ANKRD33B: variants seen among roughly 807,000 people sequenced by gnomAD.
The protein encoded by ANKRD33B is ankyrin repeat domain-containing protein 33B.
Under a neutral mutation model 21.5 loss-of-function variants are expected in ANKRD33B, and 6 were observed. The observed-to-expected ratio is 0.28, with a 90% CI of 0.15 to 0.55. ANKRD33B has a LOEUF of 0.55. ANKRD33B is among the 20% of genes least tolerant of loss of function. The pLI is 0.94. For synonymous variants in ANKRD33B, 347 were observed against 342.4 expected, an observed-to-expected ratio of 1.01 and a Z score of -0.15; for missense variants, 698 against 747.2, an observed-to-expected ratio of 0.93 and a Z score of 0.77.
At position 10,652,754 on chromosome 5, in the gene ANKRD33B, G is replaced by A. The variant is rs949327932; in HGVS notation, c.*2641G>A. On this transcript the variant is annotated 3_prime_UTR_variant, in exon 4 of 4. Transcript: ENST00000296657. This position sits in a 1 kb window ranked among gnomAD's most constrained non-coding sequence, Gnocchi z 4.1. ...GTGGACGTGTTGCGGCCCTGCCCCCGATGTGTTCCAGCCTCATCCAGGTGC... is the reference window on the plus strand; with the variant it reads ...GTGGACGTGTTGCGGCCCTGCCCCCAATGTGTTCCAGCCTCATCCAGGTGC... 13 of 215,636 alleles carry A rather than the reference G, an allele frequency of 6.0e-5. No homozygotes were observed. The highest frequency in any genetic ancestry group is 1.4e-4 in the Admixed American group (3 of 21,600). The allele number at this position is 215,636 out of a possible 1,614,324, so 13.4% of individuals were successfully genotyped here. A position where few individuals can be genotyped will look rare whatever the true frequency, so the allele number is the denominator to read the frequency against.
At chr5:10,582,680 C>T (rs1011666847) in intron 1 of ANKRD33B, among the ~76,000 whole-genome samples, 5 of 152,236 alleles carry the variant, frequency 3.3e-5, no homozygotes, top group Non-Finnish European at 4.4e-5. Context: ...CTCCCTGTTC[C>T]GCCATGGTGG....
At chr5:10,582,542 T>G (rs1735465555) in intron 1 of ANKRD33B, among the ~76,000 whole-genome samples, 1 of 152,238 alleles carries the variant, frequency 6.6e-6, no homozygotes, top group Admixed American at 6.5e-5. Flanking sequence ...TTTATTTTCT[T>G]TTTAACAACA....
chr5:10,634,121 A>G (rs1451843292), intron 2 of ANKRD33B, among the ~76,000 whole-genome samples: 4 of 152,180 alleles, frequency 2.6e-5, no homozygotes, highest in African/African-American at 7.2e-5. Flanking sequence ...GGAGGTTGAT[A>G]TTATCCCTCA....
chr5:10,636,492 C>T (rs568850863), intron 2 of ANKRD33B, among the ~76,000 whole-genome samples: 1 of 152,162 alleles, frequency 6.6e-6, no homozygotes, highest in Non-Finnish European at 1.5e-5. Flanking sequence ...TGATGCTCGC[C>T]TGTGAGCCCA....
intron 1 of ANKRD33B, among the ~76,000 whole-genome samples, chr5:10,608,552 A>G (rs1736101119): frequency 6.6e-6 from 1 of 152,102 alleles, no homozygotes. Flanking sequence ...GCATGCTGTT[A>G]CTACCAATGG....
In ANKRD33B at chr5:10,564,464, C is replaced by A; in HGVS notation, c.-4C>A. The A allele has an allele frequency of 2.5e-6, 3 of 1,191,736 alleles. No individual in the cohort carries two copies. The highest frequency in any genetic ancestry group is 3.1e-6 in the Non-Finnish European group (3 of 962,498). The allele number at this position is 1,191,736 out of a possible 1,614,324, so 73.8% of individuals were successfully genotyped here. On this transcript the variant is annotated 5_prime_UTR_variant, in exon 1 of 4. Transcript: ENST00000296657. Reference sequence around the variant, plus strand: ...GGCCCCCGGCCCGCGCCCCGGCCGCCGGCATGGTGCTGCTGGCCGGGACCG... The same window carrying A: ...GGCCCCCGGCCCGCGCCCCGGCCGCAGGCATGGTGCTGCTGGCCGGGACCG...
chr5:10,609,098 G>T (rs1178163703), intron 1 of ANKRD33B, among the ~76,000 whole-genome samples: 2 of 152,216 alleles, frequency 1.3e-5, no homozygotes, highest in Non-Finnish European at 2.9e-5. Flanking sequence ...TGTGCCGTAA[G>T]TGTAAAATAT....
chr5:10,647,050 A>C (rs973001762), intron 3 of ANKRD33B, among the ~76,000 whole-genome samples: 3 of 152,220 alleles, frequency 2.0e-5, no homozygotes, highest in African/African-American at 7.2e-5. Context: ...TAATTGCCCT[A>C]GTTCTCCATG....
rs1737409597 is a variant in ANKRD33B at position 10,653,577 on chromosome 5, G to A, written c.*3464G>A. The A allele has an allele frequency of 6.6e-6, 1 of 152,320 alleles. No homozygotes were observed. Among genetic ancestry groups the A allele is most frequent in the Admixed American group, 6.6e-5 (1 of 15,264 alleles). The allele number at this position is 152,320 out of a possible 1,614,324, so 9.4% of individuals were successfully genotyped here. ...GTAAGGAATTCCTCATGGGAGGTGT[G>A]GTCATCTGGTCGTAGAGGTGGACAG... On this transcript the variant is annotated 3_prime_UTR_variant, in exon 4 of 4. Transcript: ENST00000296657.
At chr5:10,579,544 T>G (rs1579713582) in intron 1 of ANKRD33B, among the ~76,000 whole-genome samples, 1 of 152,158 alleles carries the variant, frequency 6.6e-6, no homozygotes, top group African/African-American at 2.4e-5. Flanking sequence ...AAAGTCACTT[T>G]CACTCAAAAA....
intron 1 of ANKRD33B, among the ~76,000 whole-genome samples, chr5:10,606,645 A>T (rs1233646089): frequency 6.6e-6 from 1 of 151,772 alleles, no homozygotes; most frequent in Non-Finnish European, 1.5e-5. Context: ...GAGGCAGGAG[A>T]ATCACTTGAA....
chr5:10,656,647 C>T lies in ANKRD33B; in HGVS notation c.*6534C>T, dbSNP rs535091870. 1 of 152,512 alleles carries T rather than the reference C, an allele frequency of 6.6e-6. No homozygotes were observed. Among genetic ancestry groups the T allele is most frequent in the East Asian group, 1.9e-4 (1 of 5,266 alleles). 9.4% of individuals were successfully genotyped at this position (152,512 alleles called of 1,614,324 possible). On this transcript the variant is annotated 3_prime_UTR_variant, in exon 4 of 4. Coordinates refer to ENST00000296657, the MANE Select transcript of ANKRD33B (RefSeq NM_001164440.2). ...TGGCACAGAACACGGCTGGGGTCATCACAGCCCAGGTCTTTATTGAAAGGC... is the reference window on the plus strand; with the variant it reads ...TGGCACAGAACACGGCTGGGGTCATTACAGCCCAGGTCTTTATTGAAAGGC...
intron 2 of ANKRD33B, among the ~76,000 whole-genome samples, chr5:10,626,851 A>C (rs1026719690): frequency 6.6e-6 from 1 of 152,212 alleles, no homozygotes; most frequent in Non-Finnish European, 1.5e-5. Context: ...CAAACCAGTG[A>C]TGGAGGATGG....
chr5:10,630,884 A>AAG (rs1553994253), intron 2 of ANKRD33B, among the ~76,000 whole-genome samples: 4 of 151,338 alleles, frequency 2.6e-5, no homozygotes, highest in Admixed American at 6.6e-5. Flanking sequence ...AAAAAAAAAA[A>AAG]AAGAAGAAGA....
intron 1 of ANKRD33B, among the ~76,000 whole-genome samples, chr5:10,578,983 G>A (rs1384760853): frequency 6.6e-6 from 1 of 151,976 alleles, no homozygotes; most frequent in Non-Finnish European, 1.5e-5. Flanking sequence ...GGGCAACATG[G>A]CGAAACCCCA....
chr5:10,578,917 G>A (rs980031696), intron 1 of ANKRD33B, among the ~76,000 whole-genome samples: 4 of 152,112 alleles, frequency 2.6e-5, no homozygotes, highest in African/African-American at 7.2e-5. Flanking sequence ...ATCCCCCAGC[G>A]CTTGGAGGGG....
chr5:10,591,143 T>G (rs1430049516), intron 1 of ANKRD33B, among the ~76,000 whole-genome samples: 2 of 151,998 alleles, frequency 1.3e-5, no homozygotes, highest in Admixed American at 6.6e-5. Context: ...TGCTTCAAAA[T>G]GCTGTTTCTA....
At chr5:10,593,936 C>T (rs912241430) in intron 1 of ANKRD33B, among the ~76,000 whole-genome samples, 6 of 152,154 alleles carry the variant, frequency 3.9e-5, no homozygotes, top group East Asian at 3.8e-4. Flanking sequence ...GTCTCTGAGC[C>T]GAATTCTGGT....
At position 10,649,626 on chromosome 5, in the gene ANKRD33B, C is replaced by T. The variant is rs549928232; in HGVS notation, c.998C>T (p.Pro333Leu). Residue 333 changes from proline (P) to leucine (L), a missense_variant, in exon 4 of 4, where the codon CCG becomes CTG. Physicochemically the swap from Pro to Leu is moderately conservative, Grantham distance 98 (BLOSUM62 -3). Around this residue, in one of 3 missense-constraint regions of ANKRD33B, gnomAD observed 543 missense variants for 566.5 expected, o/e 0.96. Transcript: ENST00000296657. ...VCQTVCPESP[P>L]SVGKRRLAVQ... ...CAGACCGTGTGCCCTGAGAGCCCTC[C>T]GAGCGTGGGGAAGAGGCGGCTGGCG... is the stretch of plus-strand genomic sequence containing the variant. 3.9e-5 allele frequency: 59 copies of T among 1,531,086 alleles called. No individual in the cohort carries two copies. The African/African-American group carries it at 7.4e-4, about 19-fold the overall frequency. 94.8% of individuals were successfully genotyped at this position (1,531,086 alleles called of 1,614,324 possible).
Sources: allele counts gnomAD v4.1 joint callset (sites outside exome capture counted in the v4.1 genomes callset), GRCh38; gene constraint gnomAD v4.1.1; regional missense constraint gnomAD v4.1.1; non-coding constraint Gnocchi (gnomAD v3.1); transcripts MANE v1.5; gene names NCBI Gene and HGNC (gene_info 2026-07-23, HGNC 2026-07-21).